The following B4GALT7 variants were observed in gnomAD, a reference collection of about 807,000 sequenced individuals.
The protein encoded by B4GALT7 is UDP-Gal:beta-GlcNAc beta-1,4-galactosyltransferase 7.
A neutral mutation model predicts 33.0 loss-of-function variants in B4GALT7; 30 were observed. That is an observed-to-expected ratio of 0.91 (90% CI 0.68 to 1.23). The LOEUF (loss-of-function observed/expected upper bound fraction) is 1.23. Ranked by LOEUF, B4GALT7 falls within the 50% of genes most tolerant of loss-of-function variation. The probability of loss-of-function intolerance (pLI) is 0.00; values close to 1 mark genes in which losing one functional copy is unlikely to be tolerated. For missense variants in B4GALT7, 507 were observed against 450.8 expected, an observed-to-expected ratio of 1.12 and a Z score of -1.13; for synonymous variants, 213 against 187.2, an observed-to-expected ratio of 1.14 and a Z score of -1.13.
Position 177,609,917 on chromosome 5 carries a change from G to C in B4GALT7, c.*222G>C, listed in dbSNP as rs1219396921. 1.6e-6 allele frequency: 1 copy of C among 620,186 alleles called. No homozygotes were observed. The highest frequency in any genetic ancestry group is 2.9e-6 in the Non-Finnish European group (1 of 350,648). 38.4% of individuals were successfully genotyped at this position (620,186 alleles called of 1,614,324 possible). A position where few individuals can be genotyped will look rare whatever the true frequency, so the allele number is the denominator to read the frequency against. On this transcript the variant is annotated 3_prime_UTR_variant, in exon 6 of 6. Transcript: ENST00000029410. ...TTGCCATGCACAGTGATCAGAGAGA[G>C]GCTGGGGTGTGTCCTGTCCGGGACC...
chr5:177,600,338 C>G lies in B4GALT7; in HGVS notation c.50+78C>G. 1 of 1,162,088 alleles carries G rather than the reference C, an allele frequency of 8.6e-7. No homozygotes were observed. Among genetic ancestry groups the G allele is most frequent in the Non-Finnish European group, 1.1e-6 (1 of 914,576 alleles). The allele number at this position is 1,162,088 out of a possible 1,614,324, so 72.0% of individuals were successfully genotyped here. On this transcript the variant is annotated intron_variant, in intron 1 of 5. Coordinates refer to ENST00000029410, the MANE Select transcript of B4GALT7 (RefSeq NM_007255.3). This position sits in a 1 kb window ranked among gnomAD's most constrained non-coding sequence, Gnocchi z 4.4. ...TCGGCCGCCGGCGGAATCTGGGAAC[C>G]CGAGGCCATCACGTCTCCATGTCTG...
chr5:177,607,560 C>T (rs112665401), intron 3 of B4GALT7, 33 bp downstream of exon 3: 154 of 1,584,662 alleles, frequency 9.7e-5, no homozygotes, highest in Middle Eastern at 1.7e-4. Flanking sequence ...TGCTCAGAGC[C>T]GGGAGCTCCC....
In B4GALT7 at chr5:177,608,457, G is replaced by A; in HGVS notation, c.640-82G>A. The A allele has an allele frequency of 7.7e-7, 1 of 1,291,078 alleles. No homozygotes were observed. 80.0% of individuals were successfully genotyped at this position (1,291,078 alleles called of 1,614,324 possible). A position where few individuals can be genotyped will look rare whatever the true frequency, so the allele number is the denominator to read the frequency against. ...GCTTATTCAGAGGCGCTGGGGGAGA[G>A]GGGCACTCCCGAGCGGTAGGAGACC... On this transcript the variant is annotated intron_variant, in intron 3 of 5. Coordinates refer to ENST00000029410, the MANE Select transcript of B4GALT7 (RefSeq NM_007255.3). This position sits in a 1 kb window ranked among gnomAD's most constrained non-coding sequence, Gnocchi z 4.1.
chr5:177,604,121 GT>G, intron 1 of B4GALT7, 57 bp from the exon 2 acceptor site: 1 of 1,610,602 alleles, frequency 6.2e-7, no homozygotes, highest in South Asian at 1.1e-5. Context: ...CAGAGAACGG[GT>G]CTGTCACAGG....
At chr5:177,609,442 G>A in intron 5 of B4GALT7, 98 bp from the exon 6 acceptor site, 2 of 1,447,938 alleles carry the variant, frequency 1.4e-6, no homozygotes, top group Non-Finnish European at 1.9e-6. Flanking sequence ...TCTCCAGTGG[G>A]GACCACAGGA....
At chr5:177,603,113 C>T (rs1767885958) in intron 1 of B4GALT7, 11 of 678,218 alleles carry the variant, frequency 1.6e-5, no homozygotes, top group Non-Finnish European at 2.0e-5. Flanking sequence ...GAGCTCCTGA[C>T]CTCGTGATGC....
Position 177,605,682 on chromosome 5 carries a change from A to G in B4GALT7, c.413+1141A>G, listed in dbSNP as rs1408054178. ...AGTTGGGCCCTTCCTCTCCCTCTCG[A>G]TCAGCGTTCCTCTCCTGGAGCATAC... On this transcript the variant is annotated intron_variant, in intron 2 of 5. Coordinates refer to ENST00000029410, the MANE Select transcript of B4GALT7 (RefSeq NM_007255.3). 3 of 150,360 alleles carry G rather than the reference A, an allele frequency of 2.0e-5. No homozygotes were observed. The Admixed American group carries it at 2.0e-4, about 10-fold the overall frequency. 9.3% of individuals were successfully genotyped at this position (150,360 alleles called of 1,614,324 possible).
chr5:177,609,853 T>TGGGCTGGGCCAGGACACGTGGGG lies in B4GALT7; in HGVS notation c.*159_*181dup, dbSNP rs1768128609. On this transcript the variant is annotated 3_prime_UTR_variant, in exon 6 of 6. Coordinates refer to ENST00000029410, the MANE Select transcript of B4GALT7 (RefSeq NM_007255.3). ...AGCCACCCGGCCGCCAAGGCAGGCT[T>TGGGCTGGGCCAGGACACGTGGGG]GGGCTGGGCCAGGACACGTGGGGTG... is the stretch of plus-strand genomic sequence containing the variant. 2 of 999,572 alleles carry TGGGCTGGGCCAGGACACGTGGGG rather than the reference T, an allele frequency of 2.0e-6. No homozygotes were observed. Among genetic ancestry groups the TGGGCTGGGCCAGGACACGTGGGG allele is most frequent in the Non-Finnish European group, 3.0e-6 (2 of 674,240 alleles). 61.9% of individuals were successfully genotyped at this position (999,572 alleles called of 1,614,324 possible). A position where few individuals can be genotyped will look rare whatever the true frequency, so the allele number is the denominator to read the frequency against.
chr5:177,600,258 C>T lies in B4GALT7; in HGVS notation c.48C>T (p.Gly16=). Residue 16 remains glycine, a splice_region_variant and synonymous_variant, in exon 1 of 6, where the codon GGC becomes GGT. Coordinates refer to ENST00000029410, the MANE Select transcript of B4GALT7 (RefSeq NM_007255.3). The surrounding 1 kb of genome is among the most constrained non-coding windows in gnomAD (Gnocchi z 4.4). ...CGGCGCAGCTGCCCTGGGAGGACGGCAGGTGAGCGGCGGCGGTGGGCCCGG... is the reference window on the plus strand; with the variant it reads ...CGGCGCAGCTGCCCTGGGAGGACGGTAGGTGAGCGGCGGCGGTGGGCCCGG... The part of the protein sequence containing the change: ...RKAAQLPWED[G]RSGLLSGGLP... 5 of 1,359,878 alleles carry T rather than the reference C, an allele frequency of 3.7e-6. No homozygotes were observed. The South Asian group carries it at 4.9e-5, about 13-fold the overall frequency. 84.2% of individuals were successfully genotyped at this position (1,359,878 alleles called of 1,614,324 possible). A position where few individuals can be genotyped will look rare whatever the true frequency, so the allele number is the denominator to read the frequency against.
At position 177,607,497 on chromosome 5, in the gene B4GALT7, C is replaced by T. The variant is rs1561815539; in HGVS notation, c.609C>T (p.Ile203=). The T allele has an allele frequency of 1.2e-6, 2 of 1,613,170 alleles. No homozygotes were observed. The highest frequency in any genetic ancestry group is 8.5e-7 in the Non-Finnish European group (1 of 1,180,042). The part of the protein sequence containing the change: ...LYHYKTYVGG[I]LLLSKQHYRL... Reference sequence around the variant, plus strand: ...ACTACAAGACCTATGTCGGCGGCATCCTGCTGCTCTCCAAGCAGCACTACC... The same window carrying T: ...ACTACAAGACCTATGTCGGCGGCATTCTGCTGCTCTCCAAGCAGCACTACC... The change falls in exon 3 of 6, where the codon ATC becomes ATT. Residue 203 remains isoleucine, a synonymous_variant. Transcript: ENST00000029410.
In B4GALT7 at chr5:177,604,516, G is replaced by A; in HGVS notation, c.388G>A (p.Val130Met). Residue 130 changes from valine to methionine, a missense_variant, in exon 2 of 6, where the codon GTG becomes ATG. By Grantham distance (21) the Val-to-Met change is conservative. Coordinates refer to ENST00000029410, the MANE Select transcript of B4GALT7 (RefSeq NM_007255.3). ...SRKKIRHHIY[V>M]LNQVDHFRFN... ...GAAGAAGATCCGGCACCACATCTAC[G>A]TGCTCAACCAGGTGGACCACTTCAG... 1.2e-6 allele frequency: 2 copies of A among 1,613,850 alleles called. No individual in the cohort carries two copies. Among genetic ancestry groups the A allele is most frequent in the South Asian group, 1.1e-5 (1 of 91,084 alleles).
chr5:177,603,305 A>G, intron 1 of B4GALT7: 5 of 985,352 alleles, frequency 5.1e-6, no homozygotes, highest in Non-Finnish European at 6.0e-6. Context: ...CCCTTCATGG[A>G]TTCCTCAGCT....
Position 177,607,318 on chromosome 5 carries a change from C to G in B4GALT7, c.430C>G (p.Leu144Val). 1 of 1,611,480 alleles carries G rather than the reference C, an allele frequency of 6.2e-7. No homozygotes were observed. Among genetic ancestry groups the G allele is most frequent in the Non-Finnish European group, 8.5e-7 (1 of 1,178,894 alleles). Residue 144 changes from leucine to valine, a missense_variant, in exon 3 of 6, where the codon CTC becomes GTC. Physicochemically the swap from Leu to Val is conservative, Grantham distance 32 (BLOSUM62 1). Coordinates refer to ENST00000029410, the MANE Select transcript of B4GALT7 (RefSeq NM_007255.3). ...CCTGCACAGGTTCAACCGGGCAGCGCTCATCAACGTGGGCTTCCTGGAGAG... is the reference window on the plus strand; with the variant it reads ...CCTGCACAGGTTCAACCGGGCAGCGGTCATCAACGTGGGCTTCCTGGAGAG... ...VDHFRFNRAALINVGFLESSN... is the reference protein window; with the variant it reads ...VDHFRFNRAAVINVGFLESSN...
chr5:177,600,138 G>C lies in B4GALT7; in HGVS notation c.-73G>C. On this transcript the variant is annotated 5_prime_UTR_variant, in exon 1 of 6. Transcript: ENST00000029410. This position sits in a 1 kb window ranked among gnomAD's most constrained non-coding sequence, Gnocchi z 4.4. ...CCTGGGCGGAGCGGGAGGCGGAGGC[G>C]CCGCGTAGGCCCGGGAGGCCGGGCC... 8.0e-6 allele frequency: 9 copies of C among 1,124,492 alleles called. No individual in the cohort carries two copies. Among genetic ancestry groups the C allele is most frequent in the Non-Finnish European group, 1.0e-5 (9 of 904,376 alleles). The allele number at this position is 1,124,492 out of a possible 1,614,324, so 69.7% of individuals were successfully genotyped here.
Position 177,604,402 on chromosome 5 carries a change from C to G in B4GALT7, c.274C>G (p.Pro92Ala), listed in dbSNP as rs756885469. The G allele has an allele frequency of 4.3e-6, 7 of 1,613,820 alleles. No individual in the cohort carries two copies. In the Admixed American group the frequency reaches 1.2e-4, roughly 27 times the overall value. ...EHWEEDASWGPHRLAVLVPFR... is the reference protein window; with the variant it reads ...EHWEEDASWGAHRLAVLVPFR... ...CTGGGAAGAAGACGCATCCTGGGGC[C>G]CCCACCGCCTGGCAGTGCTGGTGCC... Residue 92 changes from proline (P) to alanine (A), a missense_variant, in exon 2 of 6, where the codon CCC becomes GCC. Transcript: ENST00000029410.
In B4GALT7 at chr5:177,600,185, C is replaced by A. The variant is rs530248269; in HGVS notation, c.-26C>A. 7.5e-7 allele frequency: 1 copy of A among 1,342,090 alleles called. No homozygotes were observed. The highest frequency in any genetic ancestry group is 1.8e-5 in the South Asian group (1 of 56,500). 83.1% of individuals were successfully genotyped at this position (1,342,090 alleles called of 1,614,324 possible). A position where few individuals can be genotyped will look rare whatever the true frequency, so the allele number is the denominator to read the frequency against. ...GGCCGGCCGGGCTGCGAGCGCCTGC[C>A]CCATGCGCCGCCGCCTCTCCGCACG... On this transcript the variant is annotated 5_prime_UTR_variant, in exon 1 of 6. Coordinates refer to ENST00000029410, the MANE Select transcript of B4GALT7 (RefSeq NM_007255.3). The surrounding 1 kb of genome is among the most constrained non-coding windows in gnomAD (Gnocchi z 4.4).
chr5:177,608,259 C>T lies in B4GALT7; in HGVS notation c.640-280C>T, dbSNP rs1768070843. On this transcript the variant is annotated intron_variant, in intron 3 of 5. Coordinates refer to ENST00000029410, the MANE Select transcript of B4GALT7 (RefSeq NM_007255.3). This position sits in a 1 kb window ranked among gnomAD's most constrained non-coding sequence, Gnocchi z 4.1. ...GAAGCAGAAATCAAGTAGGAGCTGGCGCTTCTGCCCATCGACAGTTCCCCA... is the reference window on the plus strand; with the variant it reads ...GAAGCAGAAATCAAGTAGGAGCTGGTGCTTCTGCCCATCGACAGTTCCCCA... 3 of 488,026 alleles carry T rather than the reference C, an allele frequency of 6.1e-6. No individual in the cohort carries two copies. Among genetic ancestry groups the T allele is most frequent in the East Asian group, 3.8e-5 (1 of 26,510 alleles). The allele number at this position is 488,026 out of a possible 1,614,324, so 30.2% of individuals were successfully genotyped here.
chr5:177,610,038 C>G lies in B4GALT7; in HGVS notation c.*343C>G. 5.4e-6 allele frequency: 2 copies of G among 373,480 alleles called. No individual in the cohort carries two copies. The highest frequency in any genetic ancestry group is 4.8e-5 in the South Asian group (2 of 42,090). 23.1% of individuals were successfully genotyped at this position (373,480 alleles called of 1,614,324 possible). Reference sequence around the variant, plus strand: ...TGAACAGGACAACCTCTCATCACCCCCACTTTTGTTCCTTCCTGCTGGGCT... The same window carrying G: ...TGAACAGGACAACCTCTCATCACCCGCACTTTTGTTCCTTCCTGCTGGGCT... On this transcript the variant is annotated 3_prime_UTR_variant, in exon 6 of 6. Transcript: ENST00000029410.
At position 177,600,177 on chromosome 5, in the gene B4GALT7, G is replaced by C; in HGVS notation, c.-34G>C. ...GGAGGCCGGGCCGGCCGGGCTGCGA[G>C]CGCCTGCCCCATGCGCCGCCGCCTC... On this transcript the variant is annotated 5_prime_UTR_variant, in exon 1 of 6. Coordinates refer to ENST00000029410, the MANE Select transcript of B4GALT7 (RefSeq NM_007255.3). This position sits in a 1 kb window ranked among gnomAD's most constrained non-coding sequence, Gnocchi z 4.4. The C allele has an allele frequency of 7.9e-7, 1 of 1,268,854 alleles. No homozygotes were observed. Among genetic ancestry groups the C allele is most frequent in the Non-Finnish European group, 9.9e-7 (1 of 1,006,096 alleles). 78.6% of individuals were successfully genotyped at this position (1,268,854 alleles called of 1,614,324 possible).
Sources: gnomAD v4.1 joint callset for allele counts on GRCh38, gnomAD v4.1.1 for gene constraint, Gnocchi (gnomAD v3.1) non-coding constraint, MANE v1.5 for transcripts, NCBI Gene and HGNC (gene_info 2026-07-23, HGNC 2026-07-21) for gene names.